The following SENP5 variants were observed in gnomAD, a reference collection of about 807,000 sequenced individuals.
SENP5 encodes the protein SUMO specific peptidase 5.
In SENP5, 21 loss-of-function variants were observed where a neutral mutation model predicts 74.2. The observed-to-expected ratio is 0.28, with a 90% CI of 0.20 to 0.41. The LOEUF is 0.41. Among genes scored for constraint, SENP5 ranks in the 10% least tolerant of loss-of-function variants. SENP5 has a pLI of 1.00. For synonymous variants in SENP5, 311 were observed against 312.7 expected (o/e 0.99, Z 0.06); for missense variants, 717 against 889.1 (o/e 0.81, Z 2.46).
intron 1 of SENP5, among the ~76,000 whole-genome samples, chr3:196,878,172 T>C (rs1713564171): frequency 1.3e-5 from 2 of 152,190 alleles, no homozygotes; most frequent in South Asian, 2.1e-4. Flanking sequence ...GAGAGAGCCT[T>C]CAAATAGTCA....
intron 6 of SENP5, among the ~76,000 whole-genome samples, chr3:196,915,070 G>A (rs1037092840): frequency 2.0e-5 from 3 of 152,214 alleles, no homozygotes; most frequent in Admixed American, 6.5e-5. Context: ...AGAATCTTCC[G>A]CCCCAGCGGT....
Position 196,924,455 on chromosome 3 carries a change from G to A in SENP5, c.2022+904G>A, listed in dbSNP as rs148585204. 5.5e-3 allele frequency among the ~76,000 whole-genome samples: 834 copies of A among 152,292 alleles called. 7 individuals are homozygous for A. Among genetic ancestry groups the A allele is most frequent in the Non-Finnish European group, 9.7e-3 (663 of 68,006 alleles). The stretch of plus-strand genomic sequence containing the variant: ...TAATTTAGTAAATTTTAGGAAAAAT[G>A]CAAATGACCATTTAAAAACACAGAG... On this transcript the variant is annotated intron_variant, in intron 7 of 9. Coordinates refer to ENST00000323460, the MANE Select transcript of SENP5 (RefSeq NM_152699.5).
In SENP5 at chr3:196,923,511, T is replaced by G. The variant is rs767983022; in HGVS notation, c.1982T>G (p.Phe661Cys). 6.2e-7 allele frequency: 1 copy of G among 1,611,138 alleles called. No homozygotes were observed. Among genetic ancestry groups the G allele is most frequent in the Non-Finnish European group, 8.5e-7 (1 of 1,177,584 alleles). ...TVTLSNRIIS[F>C]YDSQGIHFKF... ...ACACTCTCTAATCGAATTATTTCAT[T>G]TTATGATTCCCAAGGCATTCATTTT... Residue 661 changes from phenylalanine (F) to cysteine (C), a missense_variant, in exon 7 of 10, where the codon TTT (phenylalanine) becomes TGT (cysteine). By Grantham distance (205) the Phe-to-Cys change is radical. Transcript: ENST00000323460.
At chr3:196,925,263 A>G (rs1339406650) in intron 7 of SENP5, among the ~76,000 whole-genome samples, 1 of 152,198 alleles carries the variant, frequency 6.6e-6, no homozygotes, top group Non-Finnish European at 1.5e-5. Flanking sequence ...AGGAAAATCA[A>G]GTTTTCGAAA....
chr3:196,886,768 TC>T (rs1374616451), intron 2 of SENP5, 74 bp downstream of exon 2: 2 of 1,266,150 alleles, frequency 1.6e-6, no homozygotes, highest in Non-Finnish European at 1.1e-6. Flanking sequence ...CTAATAAGAG[TC>T]CTATTTTTTT....
chr3:196,915,516 T>C (rs192540779), intron 6 of SENP5, among the ~76,000 whole-genome samples: 163 of 152,208 alleles, frequency 1.1e-3, no homozygotes, highest in African/African-American at 3.6e-3. Context: ...TTGGAAGAAT[T>C]TACCACCTAC....
At chr3:196,895,787 G>A (rs1293820062) in intron 2 of SENP5, among the ~76,000 whole-genome samples, 1 of 152,174 alleles carries the variant, frequency 6.6e-6, no homozygotes, top group African/African-American at 2.4e-5. Context: ...CTCCCAAAGT[G>A]TTAGGATTAC....
chr3:196,921,155 G>A (rs1055647316), intron 6 of SENP5, among the ~76,000 whole-genome samples: 1 of 152,078 alleles, frequency 6.6e-6, no homozygotes, highest in Non-Finnish European at 1.5e-5. Flanking sequence ...AGATATTTTG[G>A]GGGTAGAACC....
intron 2 of SENP5, among the ~76,000 whole-genome samples, chr3:196,889,400 C>T (rs1484396681): frequency 6.6e-6 from 1 of 152,062 alleles, no homozygotes; most frequent in Non-Finnish European, 1.5e-5. Flanking sequence ...GTAGCATGAC[C>T]TGAGGAAGTA....
chr3:196,931,766 G>A lies in SENP5; in HGVS notation c.*843G>A. 3.2e-6 allele frequency: 1 copy of A among 313,928 alleles called. No homozygotes were observed. The highest frequency in any genetic ancestry group is 6.3e-6 in the Non-Finnish European group (1 of 158,548). The allele number at this position is 313,928 out of a possible 1,614,324, so 19.4% of individuals were successfully genotyped here. Reference sequence around the variant, plus strand: ...TGGTCAAACAAATGAGAATGCAGCTGTTCTCAGAGTAATTTTTAAGTTGTC... The same window carrying A: ...TGGTCAAACAAATGAGAATGCAGCTATTCTCAGAGTAATTTTTAAGTTGTC... On this transcript the variant is annotated 3_prime_UTR_variant, in exon 10 of 10. Transcript: ENST00000323460.
chr3:196,928,246 G>C lies in SENP5; in HGVS notation c.2106+367G>C, dbSNP rs1288501349. On this transcript the variant is annotated intron_variant, in intron 8 of 9. Transcript: ENST00000323460. The stretch of plus-strand genomic sequence containing the variant: ...TGAAATGACTATTTGGATCCACTGA[G>C]GGGGAGAAAGTGCATTGAGCTACTT... 3.9e-5 allele frequency among the ~76,000 whole-genome samples: 6 copies of C among 152,144 alleles called. No individual in the cohort carries two copies. In the South Asian group the frequency reaches 1.2e-3, roughly 32 times the overall value.
chr3:196,871,020 A>T (rs935052804), intron 1 of SENP5, among the ~76,000 whole-genome samples: 6 of 152,070 alleles, frequency 3.9e-5, no homozygotes, highest in African/African-American at 1.4e-4. Flanking sequence ...ATACAAAAAA[A>T]TTAGCTGGGC....
chr3:196,878,758 AT>A (rs1421398212), intron 1 of SENP5, among the ~76,000 whole-genome samples: 4 of 151,840 alleles, frequency 2.6e-5, no homozygotes, highest in African/African-American at 9.7e-5. Context: ...TGTCTGGCTC[AT>A]TTTTGTATTT....
chr3:196,906,794 G>T (rs1244220522), intron 6 of SENP5, among the ~76,000 whole-genome samples: 1 of 152,156 alleles, frequency 6.6e-6, no homozygotes, highest in Non-Finnish European at 1.5e-5. Flanking sequence ...GGAAACCATT[G>T]AATGGTTTTT....
chr3:196,909,067 A>G (rs894432910), intron 6 of SENP5, among the ~76,000 whole-genome samples: 5 of 152,326 alleles, frequency 3.3e-5, no homozygotes, highest in African/African-American at 1.2e-4. Context: ...ATAAAAAATG[A>G]TAAAGGGGAT....
intron 6 of SENP5, among the ~76,000 whole-genome samples, chr3:196,917,805 T>C (rs955005387): frequency 1.3e-5 from 2 of 152,134 alleles, no homozygotes; most frequent in Non-Finnish European, 2.9e-5. Flanking sequence ...TAAGAGATGC[T>C]AAGGGGAGCT....
intron 1 of SENP5, among the ~76,000 whole-genome samples, chr3:196,872,042 A>G (rs1370241950): frequency 6.6e-6 from 1 of 152,142 alleles, no homozygotes; most frequent in African/African-American, 2.4e-5. Context: ...GAGCCACCAC[A>G]CTTGGCCGAT....
chr3:196,895,878 T>C (rs1361897340), intron 2 of SENP5, among the ~76,000 whole-genome samples: 1 of 152,224 alleles, frequency 6.6e-6, no homozygotes, highest in African/African-American at 2.4e-5. Context: ...TTACTACCTT[T>C]TGTACTTGCA....
chr3:196,880,638 C>T (rs369099354), intron 1 of SENP5, among the ~76,000 whole-genome samples: 61 of 101,902 alleles, frequency 6.0e-4, no homozygotes, highest in East Asian at 2.5e-3. Context: ...GCCAGTTATT[C>T]TTTTTTTTTT....
Sources: gnomAD v4.1 joint callset for allele counts (sites outside exome capture counted in the v4.1 genomes callset) on GRCh38, gnomAD v4.1.1 for gene constraint, MANE v1.5 for transcripts, NCBI Gene and HGNC (gene_info 2026-07-23, HGNC 2026-07-21) for gene names.